Variants in RTF2 observed in about 807,000 individuals in gnomAD.
The protein encoded by RTF2 is UPF0549 protein C20orf43.
In RTF2, 18 loss-of-function variants were observed where a neutral mutation model predicts 38.0. That is an observed-to-expected ratio of 0.47 (90% CI 0.33 to 0.70). RTF2 has a LOEUF of 0.70. Ranked by LOEUF, RTF2 falls within the 30% of genes least tolerant of loss-of-function variation. The probability of loss-of-function intolerance (pLI) is 0.02; values close to 1 mark genes in which losing one functional copy is unlikely to be tolerated. For missense variants in RTF2, 311 were observed against 379.6 expected (o/e 0.82, Z 1.50); for synonymous variants, 126 against 137.1 (o/e 0.92, Z 0.57).
intron 4 of RTF2, among the ~76,000 whole-genome samples, chr20:56,480,963 G>A (rs1210479422): frequency 6.6e-6 from 1 of 152,188 alleles, no homozygotes; most frequent in Non-Finnish European, 1.5e-5. Context: ...ACCAAAATGT[G>A]ACACAGAGAC....
intron 1 of RTF2, among the ~76,000 whole-genome samples, chr20:56,471,261 T>G (rs1981944030): frequency 6.6e-6 from 1 of 152,114 alleles, no homozygotes; most frequent in Non-Finnish European, 1.5e-5. Flanking sequence ...GTGTTGTGAG[T>G]GAAAGTATAG....
chr20:56,517,248 A>C, intron 8 of RTF2, 47 bp downstream of exon 8: 6 of 1,522,014 alleles, frequency 3.9e-6, no homozygotes, highest in Non-Finnish European at 5.4e-6. Flanking sequence ...AAGGCTGGAA[A>C]CCCAGGTGGC....
At chr20:56,473,525 C>G in intron 2 of RTF2, 130 bp downstream of exon 2, 2 of 630,888 alleles carry the variant, frequency 3.2e-6, no homozygotes, top group South Asian at 1.8e-5. Flanking sequence ...GCTGTCGTTC[C>G]CTGTCTCTGA....
At chr20:56,498,857 G>C (rs1314576861) in intron 5 of RTF2, among the ~76,000 whole-genome samples, 1 of 152,120 alleles carries the variant, frequency 6.6e-6, no homozygotes, top group Non-Finnish European at 1.5e-5. Context: ...ACTGGTATTT[G>C]AGCTCAGGTT....
intron 5 of RTF2, among the ~76,000 whole-genome samples, 168 bp downstream of exon 5, chr20:56,484,357 A>G (rs1386129877): frequency 6.6e-6 from 1 of 152,042 alleles, no homozygotes; most frequent in African/African-American, 2.4e-5. Context: ...GCCTCTTGTC[A>G]CCTGACCACT....
At chr20:56,474,189 A>C (rs1982118212) in intron 2 of RTF2, among the ~76,000 whole-genome samples, 1 of 152,126 alleles carries the variant, frequency 6.6e-6, no homozygotes, top group Admixed American at 6.6e-5. Context: ...TTTGATTTAA[A>C]CTAATTTCTG....
chr20:56,499,231 C>T (rs1983759907), intron 5 of RTF2, among the ~76,000 whole-genome samples: 1 of 138,100 alleles, frequency 7.2e-6, no homozygotes, highest in East Asian at 2.1e-4. Context: ...GAGTCTTGCT[C>T]TGTAACTCAG....
chr20:56,499,674 C>T (rs906196975), intron 5 of RTF2, among the ~76,000 whole-genome samples: 2 of 151,878 alleles, frequency 1.3e-5, no homozygotes, highest in Non-Finnish European at 2.9e-5. Context: ...GTCATATCTT[C>T]CCCTGTATTA....
At chr20:56,483,501 G>T (rs1982628293) in intron 4 of RTF2, among the ~76,000 whole-genome samples, 1 of 151,548 alleles carries the variant, frequency 6.6e-6, no homozygotes, top group Non-Finnish European at 1.5e-5. Flanking sequence ...TTTTTAAAAA[G>T]ATTTTTTTTT....
intron 1 of RTF2, chr20:56,471,572 A>C (rs6127760): frequency 0.057 from 8,589 of 151,712 alleles, 611 homozygotes; most frequent in East Asian, 0.3. Flanking sequence ...CGTCTCAAAA[A>C]AAAACAAAAC....
chr20:56,505,964 A>G (rs1345184454), intron 5 of RTF2, among the ~76,000 whole-genome samples: 1 of 152,180 alleles, frequency 6.6e-6, no homozygotes, highest in East Asian at 1.9e-4. Flanking sequence ...GCCAAAAAGG[A>G]GCTATCTCCC....
intron 5 of RTF2, among the ~76,000 whole-genome samples, chr20:56,507,965 C>T (rs1452007206): frequency 6.6e-6 from 1 of 152,218 alleles, no homozygotes; most frequent in South Asian, 2.1e-4. Context: ...CTCCTGTAGG[C>T]CCAGCTCTCT....
At chr20:56,499,597 A>G (rs1171244885) in intron 5 of RTF2, among the ~76,000 whole-genome samples, 1 of 152,246 alleles carries the variant, frequency 6.6e-6, no homozygotes, top group Non-Finnish European at 1.5e-5. Flanking sequence ...TCTTGAAATG[A>G]AAGTAAAGCT....
intron 5 of RTF2, among the ~76,000 whole-genome samples, chr20:56,509,988 CAA>C (rs202154296): frequency 1.5e-5 from 2 of 134,794 alleles, no homozygotes; most frequent in South Asian, 2.3e-4. Context: ...AATCCAGTCA[CAA>C]AAAAAAAAAA....
At chr20:56,485,274 T>C (rs929852784) in intron 5 of RTF2, among the ~76,000 whole-genome samples, 6 of 152,150 alleles carry the variant, frequency 3.9e-5, no homozygotes, top group Non-Finnish European at 5.9e-5. Context: ...TAGCAGCCTC[T>C]TCGGCAGCAG....
rs1985236966 is a variant in RTF2 at position 56,518,955 on chromosome 20, G to A, written c.*690G>A. On this transcript the variant is annotated 3_prime_UTR_variant, in exon 9 of 9. Coordinates refer to ENST00000357348, the MANE Select transcript of RTF2 (RefSeq NM_016407.5). ...AGAACATTGCAGCCGTTGCATTGGT[G>A]ATTACAGGAGTCATTCCATGAAGTC... The A allele has an allele frequency of 6.6e-6, 1 of 152,224 alleles. No individual in the cohort carries two copies. Among genetic ancestry groups the A allele is most frequent in the Non-Finnish European group, 1.5e-5 (1 of 68,060 alleles). The allele number at this position is 152,224 out of a possible 1,614,324, so 9.4% of individuals were successfully genotyped here.
At chr20:56,491,557 C>G (rs764784554) in intron 5 of RTF2, 4 of 1,534,636 alleles carry the variant, frequency 2.6e-6, no homozygotes, top group Middle Eastern at 1.7e-4. Flanking sequence ...CAAACACTCC[C>G]TAGCGGTTCA....
Position 56,477,036 on chromosome 20 carries a change from G to C in RTF2, c.310G>C (p.Gly104Arg), listed in dbSNP as rs1173663078. The C allele has an allele frequency of 6.2e-7, 1 of 1,614,132 alleles. No homozygotes were observed. Among genetic ancestry groups the C allele is most frequent in the South Asian group, 1.1e-5 (1 of 91,082 alleles). The change falls in exon 4 of 9, where the codon GGA becomes CGA. Residue 104 changes from glycine to arginine, a missense_variant. Coordinates refer to ENST00000357348, the MANE Select transcript of RTF2 (RefSeq NM_016407.5). Reference protein sequence around the residue: ...SDNPAWEGDKGNTKGDKHDDL... With the variant: ...SDNPAWEGDKRNTKGDKHDDL... ...TAATCCTGCCTGGGAAGGGGATAAA[G>C]GAAACACTAAAGGTGACAAGCACGA...
At chr20:56,510,847 G>A (rs1489888857) in intron 5 of RTF2, among the ~76,000 whole-genome samples, 1 of 152,188 alleles carries the variant, frequency 6.6e-6, no homozygotes, top group Non-Finnish European at 1.5e-5. Context: ...GGATGAGGTA[G>A]GAGGATGAGG....
Sources: gnomAD v4.1 joint callset for allele counts (sites outside exome capture counted in the v4.1 genomes callset) on GRCh38, gnomAD v4.1.1 for gene constraint, MANE v1.5 for transcripts, NCBI Gene and HGNC (gene_info 2026-07-23, HGNC 2026-07-21) for gene names.